SAP30BP: variants seen among roughly 807,000 people sequenced by gnomAD.
The protein encoded by SAP30BP is SAP30 binding protein.
Under a neutral mutation model 46.3 loss-of-function variants are expected in SAP30BP, and 31 were observed. The observed-to-expected ratio is 0.67, with a 90% CI of 0.50 to 0.90. The LOEUF (loss-of-function observed/expected upper bound fraction) is 0.90, where lower values mean the gene tolerates loss of function less well. SAP30BP is among the 40% of genes least tolerant of loss of function. SAP30BP has a pLI of 0.00. For synonymous variants in SAP30BP, 169 were observed against 144.2 expected (o/e 1.17, Z -1.23); for missense variants, 312 against 391.0 (o/e 0.80, Z 1.70).
chr17:75,687,899 C>G (rs1021815976), intron 3 of SAP30BP, among the ~76,000 whole-genome samples: 8 of 149,966 alleles, frequency 5.3e-5, no homozygotes, highest in African/African-American at 2.0e-4. Context: ...TGACAGAAGA[C>G]AAACTGACAG....
intron 3 of SAP30BP, among the ~76,000 whole-genome samples, chr17:75,686,967 G>A (rs1369277575): frequency 1.3e-5 from 2 of 152,218 alleles, no homozygotes; most frequent in Non-Finnish European, 2.9e-5. Flanking sequence ...TTGGCAACCT[G>A]AAGTGACTCA....
In SAP30BP at chr17:75,706,337, C is replaced by T. The variant is rs564392377; in HGVS notation, c.746-3C>T. The T allele has an allele frequency of 1.3e-5, 21 of 1,612,412 alleles. 1 individual carries two copies. The South Asian group carries it at 1.9e-4, about 14-fold the overall frequency. The stretch of plus-strand genomic sequence containing the variant: ...GTGATCCTGATTTCTGCTTTATCTC[C>T]AGATGCTCAGAAGAGAAAGAGCAAG... On this transcript the variant is annotated splice_region_variant and splice_polypyrimidine_tract_variant and intron_variant, in intron 10 of 10. Transcript: ENST00000584667. This position sits in a 1 kb window ranked among gnomAD's most constrained non-coding sequence, Gnocchi z 4.6.
chr17:75,706,533 A>G lies in SAP30BP; in HGVS notation c.*12A>G, dbSNP rs746022394. 63 of 1,612,878 alleles carry G rather than the reference A, an allele frequency of 3.9e-5. No individual in the cohort carries two copies. On this transcript the variant is annotated 3_prime_UTR_variant, in exon 11 of 11. Coordinates refer to ENST00000584667, the MANE Select transcript of SAP30BP (RefSeq NM_013260.8). This position sits in a 1 kb window ranked among gnomAD's most constrained non-coding sequence, Gnocchi z 4.6. ...AGGCCAAGCAGTGACCTGAGGGGCC[A>G]CCCTAGGACTTGAAAGGACCGTGCA...
At chr17:75,693,318 T>A (rs767950532) in intron 3 of SAP30BP, 122 bp from the exon 4 acceptor site, 11 of 781,892 alleles carry the variant, frequency 1.4e-5, no homozygotes, top group Non-Finnish European at 2.4e-5. Flanking sequence ...CAGCTTACCC[T>A]TAGTGTTCCT....
In SAP30BP at chr17:75,667,469, A is replaced by C. The variant is rs1488982867; in HGVS notation, c.97A>C (p.Ser33Arg). The C allele has an allele frequency of 6.2e-7, 1 of 1,614,008 alleles. No homozygotes were observed. Among genetic ancestry groups the C allele is most frequent in the South Asian group, 1.1e-5 (1 of 91,090 alleles). ...CGAGGCTGGAATCGAGGCGGTGGGC[A>C]GCGCGGCTGGTAAGGCCCAAGTGCG... is the stretch of plus-strand genomic sequence containing the variant. ...DGEAGIEAVGSAAEEKGGLVS... is the reference protein window; with the variant it reads ...DGEAGIEAVGRAAEEKGGLVS... The change falls in exon 1 of 11, where the codon AGC becomes CGC. Residue 33 changes from serine to arginine, a missense_variant. Physicochemically the swap from Ser to Arg is moderately radical, Grantham distance 110. This residue lies in a region of SAP30BP where 296 missense variants were observed against 346.6 expected (regional missense o/e 0.85). Coordinates refer to ENST00000584667, the MANE Select transcript of SAP30BP (RefSeq NM_013260.8).
Position 75,685,586 on chromosome 17 carries a change from C to T in SAP30BP, c.265-7854C>T, listed in dbSNP as rs559281022. On this transcript the variant is annotated intron_variant, in intron 3 of 10. Coordinates refer to ENST00000584667, the MANE Select transcript of SAP30BP (RefSeq NM_013260.8). The stretch of plus-strand genomic sequence containing the variant: ...ACTAACTCCTCAGCTTGTCGGCCAG[C>T]CTCTCAGATGGAATGCTTTTGTAAT... Among the ~76,000 whole-genome samples, 5 of 152,288 alleles carry T rather than the reference C, an allele frequency of 3.3e-5. No individual in the cohort carries two copies. In the South Asian group the frequency reaches 1.0e-3, roughly 32 times the overall value.
intron 2 of SAP30BP, among the ~76,000 whole-genome samples, chr17:75,670,236 C>T (rs747507092): frequency 5.9e-5 from 9 of 151,908 alleles, no homozygotes; most frequent in East Asian, 1.9e-4. Context: ...GCAGGAGAAT[C>T]GCTTGAACCC....
At chr17:75,679,533 C>T (rs2060044158) in intron 3 of SAP30BP, 1 of 152,112 alleles carries the variant, frequency 6.6e-6, no homozygotes, top group Non-Finnish European at 1.5e-5. Context: ...CACAGAGTCC[C>T]ATGTTTGGGA....
intron 9 of SAP30BP, 182 bp downstream of exon 9, chr17:75,704,996 T>C: frequency 1.7e-6 from 1 of 593,982 alleles, no homozygotes; most frequent in Non-Finnish European, 3.0e-6. Flanking sequence ...ACGGCGCTCG[T>C]CTGCTGCTTT....
intron 3 of SAP30BP, chr17:75,683,999 G>A (rs1028236356): frequency 4.6e-5 from 7 of 152,222 alleles, no homozygotes; most frequent in African/African-American, 1.7e-4. Context: ...CATTCCTGGA[G>A]GGGTGCTTTT....
At chr17:75,684,182 A>G (rs2060124524) in intron 3 of SAP30BP, 1 of 152,186 alleles carries the variant, frequency 6.6e-6, no homozygotes, top group South Asian at 2.1e-4. Flanking sequence ...ATTGCCATTT[A>G]TTGGGTGAGC....
Position 75,693,526 on chromosome 17 carries a change from C to T in SAP30BP, c.307+44C>T, listed in dbSNP as rs367611668. 26 of 1,590,418 alleles carry T rather than the reference C, an allele frequency of 1.6e-5. No individual in the cohort carries two copies. In the African/African-American group the frequency reaches 3.0e-4, roughly 18 times the overall value. ...TGGGGGCACGTTTCTCAGCCTTGCTCCTAGCAGCCTGGCTTCCAGCCATGC... is the reference window on the plus strand; with the variant it reads ...TGGGGGCACGTTTCTCAGCCTTGCTTCTAGCAGCCTGGCTTCCAGCCATGC... On this transcript the variant is annotated intron_variant, in intron 4 of 10. Transcript: ENST00000584667.
chr17:75,694,464 C>G (rs1568316522), intron 4 of SAP30BP, among the ~76,000 whole-genome samples: 3 of 152,246 alleles, frequency 2.0e-5, no homozygotes, highest in Admixed American at 2.0e-4. Context: ...GCCTTAATCC[C>G]TGGCCTCTCT....
intron 6 of SAP30BP, chr17:75,703,059 C>G: frequency 5.6e-6 from 3 of 534,326 alleles, no homozygotes; most frequent in Admixed American, 3.2e-5. Flanking sequence ...GTGGTAAGCC[C>G]AATCCAGCTG....
Position 75,706,192 on chromosome 17 carries a change from C to T in SAP30BP, c.745+100C>T, listed in dbSNP as rs1599180797. 6.4e-6 allele frequency: 10 copies of T among 1,557,728 alleles called. No individual in the cohort carries two copies. Among genetic ancestry groups the T allele is most frequent in the East Asian group, 2.3e-5 (1 of 43,354 alleles). ...CAGCACGTGGATCTGGGCCTGGGCT[C>T]AGCCTTGCTACTTTGAGAAGCACCT... On this transcript the variant is annotated intron_variant, in intron 10 of 10. Transcript: ENST00000584667. The surrounding 1 kb of genome is among the most constrained non-coding windows in gnomAD (Gnocchi z 4.6).
At chr17:75,686,871 C>T (rs1350931489) in intron 3 of SAP30BP, among the ~76,000 whole-genome samples, 1 of 152,192 alleles carries the variant, frequency 6.6e-6, no homozygotes, top group African/African-American at 2.4e-5. Context: ...CACTCCTAGC[C>T]CCCAACCATG....
At chr17:75,680,768 T>A (rs1017128360) in intron 3 of SAP30BP, among the ~76,000 whole-genome samples, 2 of 152,170 alleles carry the variant, frequency 1.3e-5, no homozygotes, top group Non-Finnish European at 2.9e-5. Flanking sequence ...GTGTGGTAGC[T>A]CAAGCCTGTA....
chr17:75,686,706 T>C (rs1265632361), intron 3 of SAP30BP, among the ~76,000 whole-genome samples: 1 of 152,160 alleles, frequency 6.6e-6, no homozygotes, highest in Non-Finnish European at 1.5e-5. Context: ...CGGCAGTGGC[T>C]CAGTCCTGGC....
chr17:75,699,686 C>A, intron 4 of SAP30BP, 97 bp from the exon 5 acceptor site: 1 of 791,722 alleles, frequency 1.3e-6, no homozygotes, highest in Non-Finnish European at 2.2e-6. Flanking sequence ...AGTGTTTATC[C>A]CTACCTGATA....
Sources: gnomAD v4.1 joint callset for allele counts (sites outside exome capture counted in the v4.1 genomes callset) on GRCh38, gnomAD v4.1.1 for gene constraint, gnomAD v4.1.1 regional missense constraint, Gnocchi (gnomAD v3.1) non-coding constraint, MANE v1.5 for transcripts, NCBI Gene and HGNC (gene_info 2026-07-23, HGNC 2026-07-21) for gene names.